The following LRP1B variants were observed in gnomAD, a reference collection of about 807,000 sequenced individuals.
LRP1B encodes the protein low-density lipoprotein receptor-related protein 1B.
Under a neutral mutation model 556.6 loss-of-function variants are expected in LRP1B, and 217 were observed. The observed-to-expected ratio is 0.39, with a 90% confidence interval of 0.35 to 0.44. LRP1B has a LOEUF of 0.44. LRP1B is among the 20% of genes least tolerant of loss of function. LRP1B has a pLI of 1.00. For missense variants in LRP1B, 5,053 were observed against 5,620.8 expected (o/e 0.90, Z 3.23); for synonymous variants, 2,047 against 1,865.8 (o/e 1.10, Z -2.50).
intron 1 of LRP1B, among the ~76,000 whole-genome samples, chr2:141,982,445 G>A (rs1274810999): frequency 6.6e-6 from 1 of 152,098 alleles, no homozygotes; most frequent in African/African-American, 2.4e-5. Context: ...GTCTTTAGGA[G>A]ACACTTTAGA....
intron 27 of LRP1B, 148 bp from the exon 28 acceptor site, chr2:140,851,931 G>C: frequency 1.8e-6 from 1 of 557,018 alleles, no homozygotes; most frequent in Non-Finnish European, 3.1e-6. Context: ...GACAATAATA[G>C]ACAATCATAC....
At chr2:141,445,040 G>A (rs1681134742) in intron 3 of LRP1B, among the ~76,000 whole-genome samples, 1 of 152,154 alleles carries the variant, frequency 6.6e-6, no homozygotes, top group South Asian at 2.1e-4. Flanking sequence ...GAATTTGGCT[G>A]TGAATCTGTC....
At chr2:141,537,716 A>G (rs992927822) in intron 2 of LRP1B, among the ~76,000 whole-genome samples, 2 of 152,150 alleles carry the variant, frequency 1.3e-5, no homozygotes, top group Non-Finnish European at 2.9e-5. Flanking sequence ...ACATTATGTG[A>G]ATGTATGATG....
chr2:140,517,047 T>C (rs935817995), intron 49 of LRP1B, 36 bp from the exon 50 acceptor site: 9 of 1,482,634 alleles, frequency 6.1e-6, no homozygotes, highest in Non-Finnish European at 8.5e-6. Context: ...CAATTTCATT[T>C]TAGACTTCTG....
intron 1 of LRP1B, among the ~76,000 whole-genome samples, chr2:141,886,964 CT>C (rs66668893): frequency 0.24 from 33,641 of 141,676 alleles, 4,458 homozygotes; most frequent in East Asian, 0.43. Context: ...TTTTCTTTTT[CT>C]TTTTTTTTTT....
intron 59 of LRP1B, among the ~76,000 whole-genome samples, chr2:140,483,579 T>TATATATAC (rs200559665): frequency 9.1e-5 from 13 of 142,454 alleles, no homozygotes; most frequent in African/African-American, 2.6e-4. Flanking sequence ...TATATATATG[T>TATATATAC]ACACACACAT....
rs61385686 is a variant in LRP1B at position 141,738,921 on chromosome 2, T to C, written c.205+71358A>G. Among the ~76,000 whole-genome samples, 508 of 152,232 alleles carry C rather than the reference T, an allele frequency of 3.3e-3. 3 individuals carry two copies. Among genetic ancestry groups the C allele is most frequent in the African/African-American group, 0.012 (486 of 41,582 alleles). On this transcript the variant is annotated intron_variant, in intron 2 of 90. Coordinates refer to ENST00000389484, the MANE Select transcript of LRP1B (RefSeq NM_018557.3). ...GGTCTGCTTTAATATTTTTTCAGTT[T>C]GAAATAAACAATTACAACATAGGAT...
chr2:141,260,768 G>A (rs941352134), intron 3 of LRP1B, among the ~76,000 whole-genome samples: 1 of 152,172 alleles, frequency 6.6e-6, no homozygotes, highest in Non-Finnish European at 1.5e-5. Flanking sequence ...ATGTTTTGGA[G>A]AGTAAATTAG....
At chr2:141,966,784 G>C (rs748481102) in intron 1 of LRP1B, among the ~76,000 whole-genome samples, 1 of 151,666 alleles carries the variant, frequency 6.6e-6, no homozygotes. Context: ...GCACCCTATG[G>C]ATGTTCCGGT....
intron 1 of LRP1B, among the ~76,000 whole-genome samples, chr2:141,822,122 C>CAGAGAG (rs1427035383): frequency 0.024 from 2,506 of 105,796 alleles, 41 homozygotes; most frequent in Middle Eastern, 0.037. Flanking sequence ...CACACACACA[C>CAGAGAG]ACACACACAG....
chr2:140,603,374 C>T (rs1394989163), intron 41 of LRP1B, among the ~76,000 whole-genome samples: 2 of 152,090 alleles, frequency 1.3e-5, no homozygotes, highest in Non-Finnish European at 2.9e-5. Context: ...ATTAATAAAT[C>T]ACCTTTGCCA....
chr2:142,097,056 G>A (rs1184383640), intron 1 of LRP1B, among the ~76,000 whole-genome samples: 1 of 79,150 alleles, frequency 1.3e-5, no homozygotes, highest in Non-Finnish European at 2.9e-5. Context: ...AATTATCATT[G>A]CAAAAAAAAA....
intron 7 of LRP1B, among the ~76,000 whole-genome samples, chr2:141,088,075 C>CAA (rs1700089777): frequency 6.6e-6 from 1 of 151,980 alleles, no homozygotes; most frequent in Admixed American, 6.6e-5. Flanking sequence ...AAGAAGGGTA[C>CAA]AAAAAGACAT....
At chr2:140,440,107 C>T (rs1518446) in intron 66 of LRP1B, among the ~76,000 whole-genome samples, 48,491 of 151,888 alleles carry the variant, frequency 0.32, 8,247 homozygotes, top group African/African-American at 0.35. Flanking sequence ...AAATATCCAA[C>T]TGATAATGGA....
intron 65 of LRP1B, among the ~76,000 whole-genome samples, chr2:140,443,267 G>A (rs1263105336): frequency 6.6e-6 from 1 of 152,014 alleles, no homozygotes; most frequent in Non-Finnish European, 1.5e-5. Flanking sequence ...CACCATGTTG[G>A]CCAGGCTCAT....
intron 1 of LRP1B, among the ~76,000 whole-genome samples, chr2:142,053,429 AAGG>A (rs1057368283): frequency 1.1e-4 from 17 of 152,150 alleles, no homozygotes; most frequent in Non-Finnish European, 4.4e-5. Flanking sequence ...CAACATTAGA[AAGG>A]AGAACTTTTC....
At chr2:140,658,583 C>A (rs1684969954) in intron 41 of LRP1B, among the ~76,000 whole-genome samples, 1 of 151,864 alleles carries the variant, frequency 6.6e-6, no homozygotes, top group Non-Finnish European at 1.5e-5. Context: ...TTTAATTTAT[C>A]CAATTTTTTT....
chr2:140,342,343 G>T (rs552860137), intron 77 of LRP1B, among the ~76,000 whole-genome samples: 4 of 151,208 alleles, frequency 2.6e-5, no homozygotes, highest in Non-Finnish European at 4.4e-5. Flanking sequence ...GGCCAATTAT[G>T]CATGACATAC....
intron 3 of LRP1B, among the ~76,000 whole-genome samples, chr2:141,474,681 ATCTTTT>A (rs1482517871): frequency 6.6e-6 from 1 of 152,140 alleles, no homozygotes; most frequent in African/African-American, 2.4e-5. Flanking sequence ...ATATAAGGGG[ATCTTTT>A]TCTTTTTTAG....
Sources: allele counts gnomAD v4.1 joint callset (sites outside exome capture counted in the v4.1 genomes callset), GRCh38; gene constraint gnomAD v4.1.1; transcripts MANE v1.5; gene names NCBI Gene and HGNC (gene_info 2026-07-23, HGNC 2026-07-21).